Variants in ZC3H6 observed in about 807,000 individuals in gnomAD.
ZC3H6 encodes the protein zinc finger CCCH-type containing 6, also known as zinc finger CCCH domain-containing protein 6.
In ZC3H6, 40 loss-of-function variants were observed where a neutral mutation model predicts 107.7. The ratio of observed to expected loss-of-function variants is 0.37; its 90% CI spans 0.29 to 0.48. The LOEUF is 0.48. ZC3H6 is among the 20% of genes least tolerant of loss of function. The pLI, the probability that ZC3H6 is intolerant of heterozygous loss-of-function variation, is 0.98. For synonymous variants in ZC3H6, 493 were observed against 487.9 expected, an observed-to-expected ratio of 1.01 and a Z score of -0.14; for missense variants, 1,267 against 1,410.4, an observed-to-expected ratio of 0.90 and a Z score of 1.63.
intron 1 of ZC3H6, among the ~76,000 whole-genome samples, chr2:112,297,744 G>A (rs1359503460): frequency 1.3e-5 from 2 of 152,066 alleles, no homozygotes; most frequent in Non-Finnish European, 1.5e-5. Flanking sequence ...TTGTTTTGTG[G>A]CTTGAGTTTT....
chr2:112,330,750 G>A (rs1677011689), intron 11 of ZC3H6, among the ~76,000 whole-genome samples: 1 of 152,030 alleles, frequency 6.6e-6, no homozygotes, highest in African/African-American at 2.4e-5. Context: ...CCTTAATAGA[G>A]TATAATGACT....
rs991612828 is a variant in ZC3H6 at position 112,336,206 on chromosome 2, T to C, written c.*3718T>C. The stretch of plus-strand genomic sequence containing the variant: ...CCAGGATATGAGATCTTAAAGAGGC[T>C]GTCAGAATCTCTTCATTTGCATGAC... On this transcript the variant is annotated 3_prime_UTR_variant, in exon 12 of 12. Coordinates refer to ENST00000409871, the MANE Select transcript of ZC3H6 (RefSeq NM_198581.3). 1.3e-5 allele frequency: 2 copies of C among 152,220 alleles called. No homozygotes were observed. The highest frequency in any genetic ancestry group is 2.9e-5 in the Non-Finnish European group (2 of 68,052). 9.4% of individuals were successfully genotyped at this position (152,220 alleles called of 1,614,324 possible).
At chr2:112,318,509 C>T (rs1676741875) in intron 7 of ZC3H6, among the ~76,000 whole-genome samples, 1 of 152,014 alleles carries the variant, frequency 6.6e-6, no homozygotes. Flanking sequence ...CAAATGGTCC[C>T]AAAACATACA....
At position 112,336,495 on chromosome 2, in the gene ZC3H6, GACTT is replaced by G. The variant is rs1677138200; in HGVS notation, c.*4009_*4012del. ...TAAACTATAATTATAGTTTAAATAAGACTTAGTTTAGGAAATCCAAGTTTTGACA... is the reference window on the plus strand; with the variant it reads ...TAAACTATAATTATAGTTTAAATAAGAGTTTAGGAAATCCAAGTTTTGACA... On this transcript the variant is annotated 3_prime_UTR_variant, in exon 12 of 12. Coordinates refer to ENST00000409871, the MANE Select transcript of ZC3H6 (RefSeq NM_198581.3). 1 of 152,142 alleles carries G rather than the reference GACTT, an allele frequency of 6.6e-6. No homozygotes were observed. The highest frequency in any genetic ancestry group is 1.5e-5 in the Non-Finnish European group (1 of 68,020). The allele number at this position is 152,142 out of a possible 1,614,324, so 9.4% of individuals were successfully genotyped here. A position where few individuals can be genotyped will look rare whatever the true frequency, so the allele number is the denominator to read the frequency against.
chr2:112,324,184 C>A lies in ZC3H6; in HGVS notation c.1373C>A (p.Pro458Gln). The A allele has an allele frequency of 1.3e-6, 2 of 1,589,898 alleles. No individual in the cohort carries two copies. The highest frequency in any genetic ancestry group is 1.7e-6 in the Non-Finnish European group (2 of 1,160,334). Residue 458 changes from proline to glutamine, a missense_variant, in exon 10 of 12, where the codon CCA (proline) becomes CAA (glutamine). Physicochemically the swap from Pro to Gln is moderately conservative, Grantham distance 76. Around this residue, in one of 3 missense-constraint regions of ZC3H6, gnomAD observed 925 missense variants for 1,025.7 expected, o/e 0.90. Coordinates refer to ENST00000409871, the MANE Select transcript of ZC3H6 (RefSeq NM_198581.3). ...GCATTTTATACCAGTGCCTCACCAC[C>A]AGGACCACAATTTCAGGGAAGCAGT... The part of the protein sequence containing the change: ...PPAFYTSASP[P>Q]GPQFQGSSPH...
At chr2:112,306,174 C>CG (rs1553493534) in intron 3 of ZC3H6, among the ~76,000 whole-genome samples, 1 of 136,888 alleles carries the variant, frequency 7.3e-6, no homozygotes, top group Non-Finnish European at 1.6e-5. Context: ...GTCTGTATTT[C>CG]TTTTTTTTTT....
At chr2:112,320,049 C>T (rs1382232808) in intron 7 of ZC3H6, among the ~76,000 whole-genome samples, 3 of 152,212 alleles carry the variant, frequency 2.0e-5, no homozygotes, top group African/African-American at 7.2e-5. Context: ...TCTCCTGCCT[C>T]AGCCTCCCGA....
At chr2:112,294,936 G>T (rs1676204027) in intron 1 of ZC3H6, among the ~76,000 whole-genome samples, 1 of 152,040 alleles carries the variant, frequency 6.6e-6, no homozygotes, top group Non-Finnish European at 1.5e-5. Context: ...TAAAATAACA[G>T]CTTTATTGAG....
Position 112,331,178 on chromosome 2 carries a change from C to G in ZC3H6, c.2260C>G (p.Gln754Glu), listed in dbSNP as rs761761857. The G allele has an allele frequency of 5.6e-6, 9 of 1,613,468 alleles. No individual in the cohort carries two copies. The highest frequency in any genetic ancestry group is 6.8e-6 in the Non-Finnish European group (8 of 1,179,770). ...TGCTAAAGAGAAAAGTAAAGGAAAC[C>G]AAGTGGTTGACCCTAGGCTTAGGAC... ...RLAKEKSKGNQVVDPRLRTIP... is the reference protein window; with the variant it reads ...RLAKEKSKGNEVVDPRLRTIP... The change falls in exon 12 of 12, where the codon CAA becomes GAA. Residue 754 changes from glutamine (Q) to glutamate (E), a missense_variant. Transcript: ENST00000409871.
chr2:112,284,930 A>T (rs1206504650), intron 1 of ZC3H6, among the ~76,000 whole-genome samples: 1 of 152,212 alleles, frequency 6.6e-6, no homozygotes, highest in African/African-American at 2.4e-5. Flanking sequence ...AGGAAGAAAA[A>T]AAATTCATGG....
Position 112,275,937 on chromosome 2 carries a change from C to CCCG in ZC3H6, c.-48_-46dup, listed in dbSNP as rs955793937. On this transcript the variant is annotated 5_prime_UTR_variant, in exon 1 of 12. Coordinates refer to ENST00000409871, the MANE Select transcript of ZC3H6 (RefSeq NM_198581.3). ...GCGGCGCGGGGGGTCTTCCCCGCGC[C>CCCG]CCGCCGCCGCCGGCCTCGCAGACCT... 14 of 1,487,230 alleles carry CCCG rather than the reference C, an allele frequency of 9.4e-6. No individual in the cohort carries two copies. Among genetic ancestry groups the CCCG allele is most frequent in the African/African-American group, 1.5e-5 (1 of 68,228 alleles). The allele number at this position is 1,487,230 out of a possible 1,614,324, so 92.1% of individuals were successfully genotyped here.
chr2:112,306,905 C>T (rs774107028), intron 3 of ZC3H6, among the ~76,000 whole-genome samples: 2 of 152,186 alleles, frequency 1.3e-5, no homozygotes, highest in Admixed American at 6.5e-5. Context: ...GTGATACTCT[C>T]GGAGCAAATG....
At position 112,299,017 on chromosome 2, in the gene ZC3H6, C is replaced by G. The variant is rs1156515296; in HGVS notation, c.33-832C>G. 2.0e-5 allele frequency among the ~76,000 whole-genome samples: 3 copies of G among 152,068 alleles called. No homozygotes were observed. The East Asian group carries it at 5.8e-4, about 29-fold the overall frequency. Reference sequence around the variant, plus strand: ...GGCCGGGTGTGGTGGGTGGCTCACACCTGTAATCCCAGCACTTTGGGAGGC... The same window carrying G: ...GGCCGGGTGTGGTGGGTGGCTCACAGCTGTAATCCCAGCACTTTGGGAGGC... On this transcript the variant is annotated intron_variant, in intron 1 of 11. Coordinates refer to ENST00000409871, the MANE Select transcript of ZC3H6 (RefSeq NM_198581.3).
intron 11 of ZC3H6, among the ~76,000 whole-genome samples, chr2:112,326,300 G>C (rs547344164): frequency 6.6e-6 from 1 of 151,948 alleles, no homozygotes; most frequent in South Asian, 2.1e-4. Flanking sequence ...TCAAATACTA[G>C]GTCTTATTCA....
intron 1 of ZC3H6, among the ~76,000 whole-genome samples, chr2:112,278,947 T>C: frequency 6.6e-6 from 1 of 152,380 alleles, no homozygotes; most frequent in East Asian, 1.9e-4. Context: ...GTGAACATTT[T>C]GCACAAGATT....
intron 1 of ZC3H6, among the ~76,000 whole-genome samples, chr2:112,291,434 A>G (rs1185559191): frequency 1.3e-5 from 2 of 152,172 alleles, no homozygotes; most frequent in Non-Finnish European, 2.9e-5. Flanking sequence ...GGGTTTCGCC[A>G]TGTTGGCCAG....
At chr2:112,277,138 T>C (rs1315852774) in intron 1 of ZC3H6, among the ~76,000 whole-genome samples, 1 of 152,112 alleles carries the variant, frequency 6.6e-6, no homozygotes, top group Non-Finnish European at 1.5e-5. Context: ...GGGATAAAAA[T>C]GGTATTTCAA....
rs985627419 is a variant in ZC3H6, at chr2:112,334,128, G to A, written c.*1640G>A. 1 of 151,992 alleles carries A rather than the reference G, an allele frequency of 6.6e-6. No homozygotes were observed. The highest frequency in any genetic ancestry group is 2.4e-5 in the African/African-American group (1 of 41,396). 9.4% of individuals were successfully genotyped at this position (151,992 alleles called of 1,614,324 possible). ...ACATTTGTTGTCTAAAATGGCTCTGGATAACATTTTTGGGTTAAAAAATGT... is the reference window on the plus strand; with the variant it reads ...ACATTTGTTGTCTAAAATGGCTCTGAATAACATTTTTGGGTTAAAAAATGT... On this transcript the variant is annotated 3_prime_UTR_variant, in exon 12 of 12. Coordinates refer to ENST00000409871, the MANE Select transcript of ZC3H6 (RefSeq NM_198581.3).
intron 5 of ZC3H6, among the ~76,000 whole-genome samples, chr2:112,314,994 C>T (rs921069151): frequency 3.9e-5 from 6 of 152,150 alleles, no homozygotes; most frequent in African/African-American, 1.2e-4. Context: ...TCAATTTAGA[C>T]ATCTATTGCC....
Sources: allele counts gnomAD v4.1 joint callset (sites outside exome capture counted in the v4.1 genomes callset), GRCh38; gene constraint gnomAD v4.1.1; regional missense constraint gnomAD v4.1.1; transcripts MANE v1.5; gene names NCBI Gene and HGNC (gene_info 2026-07-23, HGNC 2026-07-21).